Variants in PGR observed in about 807,000 individuals in gnomAD.
PGR encodes the protein nuclear receptor subfamily 3 group C member 3.
In PGR, 25 loss-of-function variants were observed where a neutral mutation model predicts 76.1. The observed-to-expected ratio is 0.33, with a 90% CI of 0.24 to 0.46. PGR has a LOEUF of 0.46. Ranked by LOEUF, PGR falls within the 20% of genes least tolerant of loss-of-function variation. The probability of loss-of-function intolerance (pLI) is 1.00; values close to 1 mark genes in which losing one functional copy is unlikely to be tolerated. For missense variants in PGR, 1,172 were observed against 1,225.3 expected (o/e 0.96, Z 0.65); for synonymous variants, 579 against 535.0 (o/e 1.08, Z -1.14).
rs117353365 is a variant in PGR, at chr11:101,043,416, C to T, written c.2489-1314G>A. Among the ~76,000 whole-genome samples, 558 of 152,300 alleles carry T rather than the reference C, an allele frequency of 3.7e-3. 1 individual carries two copies. Among genetic ancestry groups the T allele is most frequent in the Non-Finnish European group, 6.6e-3 (446 of 68,024 alleles). On this transcript the variant is annotated intron_variant, in intron 6 of 7. Coordinates refer to ENST00000325455, the MANE Select transcript of PGR (RefSeq NM_000926.4). ...TTTCACATATCTGTAGTTATTTCCTCCACTGAAGTTTTGAACACCCTCAAA... is the reference window on the plus strand; with the variant it reads ...TTTCACATATCTGTAGTTATTTCCTTCACTGAAGTTTTGAACACCCTCAAA...
chr11:101,086,983 T>G (rs998682452), intron 3 of PGR, among the ~76,000 whole-genome samples: 1 of 152,164 alleles, frequency 6.6e-6, no homozygotes, highest in South Asian at 2.1e-4. Flanking sequence ...ATTAGAAGAA[T>G]CAGTATTGTT....
chr11:101,094,597 A>G (rs567590721), intron 2 of PGR, among the ~76,000 whole-genome samples: 59 of 152,364 alleles, frequency 3.9e-4, no homozygotes, highest in South Asian at 1.7e-3. Context: ...CCTTCCAGTC[A>G]TATTTCTAGG....
intron 2 of PGR, among the ~76,000 whole-genome samples, chr11:101,095,911 A>G (rs1207538820): frequency 6.6e-6 from 1 of 152,202 alleles, no homozygotes; most frequent in East Asian, 1.9e-4. Context: ...TCAAACTTGC[A>G]TGAAATTGGG....
intron 3 of PGR, among the ~76,000 whole-genome samples, chr11:101,088,838 G>A (rs1861582383): frequency 6.6e-6 from 1 of 152,210 alleles, no homozygotes; most frequent in Non-Finnish European, 1.5e-5. Context: ...ATACACCATG[G>A]AATATTATGC....
intron 3 of PGR, among the ~76,000 whole-genome samples, chr11:101,069,184 A>T (rs1050012682): frequency 5.3e-5 from 8 of 151,908 alleles, no homozygotes; most frequent in Non-Finnish European, 1.2e-4. Context: ...AAAAAAAAAC[A>T]TCAAAAAGTG....
chr11:101,067,399 T>G (rs1860758531), intron 3 of PGR, among the ~76,000 whole-genome samples: 1 of 151,988 alleles, frequency 6.6e-6, no homozygotes, highest in Admixed American at 6.6e-5. Context: ...ATGACTGACC[T>G]CATTATTAAC....
chr11:101,031,491 G>T lies in PGR; in HGVS notation c.*7625C>A, dbSNP rs758842029. ...AAAAAACATGGATAGATTATTAAGC[G>T]CCAAGTTTTCTCTTCAACCTACTGC... On this transcript the variant is annotated 3_prime_UTR_variant, in exon 8 of 8. Coordinates refer to ENST00000325455, the MANE Select transcript of PGR (RefSeq NM_000926.4). The T allele has an allele frequency of 4.4e-6, 1 of 228,426 alleles. No individual in the cohort carries two copies. The highest frequency in any genetic ancestry group is 8.7e-6 in the Non-Finnish European group (1 of 115,148). The allele number at this position is 228,426 out of a possible 1,614,324, so 14.1% of individuals were successfully genotyped here. A position where few individuals can be genotyped will look rare whatever the true frequency, so the allele number is the denominator to read the frequency against.
chr11:101,121,933 G>A (rs181005472), intron 2 of PGR, among the ~76,000 whole-genome samples: 62 of 152,172 alleles, frequency 4.1e-4, no homozygotes, highest in East Asian at 1.9e-3. Context: ...TTGGGAGGCC[G>A]AGGCAGGCGG....
Position 101,128,890 on chromosome 11 carries a change from G to A in PGR, c.181C>T (p.Pro61Ser). 1 of 1,614,046 alleles carries A rather than the reference G, an allele frequency of 6.2e-7. No individual in the cohort carries two copies. The highest frequency in any genetic ancestry group is 1.1e-5 in the South Asian group (1 of 91,086). ...GGGTCCTGTCCCTGGCAGGGCCGAG[G>A]GAAGAGTAGCCCGTCCAGGGAGATA... ...IPISLDGLLF[P>S]RPCQGQDPSD... The change falls in exon 1 of 8, where the codon CCT (proline) becomes TCT (serine). Residue 61 changes from proline (P) to serine (S), a missense_variant. Coordinates refer to ENST00000325455, the MANE Select transcript of PGR (RefSeq NM_000926.4).
At chr11:101,081,934 A>G (rs1861322127) in intron 3 of PGR, among the ~76,000 whole-genome samples, 1 of 152,326 alleles carries the variant, frequency 6.6e-6, no homozygotes, top group Admixed American at 6.5e-5. Flanking sequence ...TAAATGGTCT[A>G]AATGCCTGAT....
intron 2 of PGR, among the ~76,000 whole-genome samples, chr11:101,106,894 A>T (rs1862179665): frequency 6.6e-6 from 1 of 152,194 alleles, no homozygotes; most frequent in Non-Finnish European, 1.5e-5. Context: ...CATAAAAAAG[A>T]ATGAGTTCAT....
At chr11:101,055,448 C>T in intron 4 of PGR, among the ~76,000 whole-genome samples, 1 of 134,260 alleles carries the variant, frequency 7.4e-6, no homozygotes, top group African/African-American at 2.7e-5. Flanking sequence ...AAAAAAGGCT[C>T]ATAGAAAGTT....
intron 3 of PGR, among the ~76,000 whole-genome samples, chr11:101,064,287 T>C (rs1257830346): frequency 4.2e-5 from 5 of 120,032 alleles, no homozygotes; most frequent in Non-Finnish European, 4.8e-5. Flanking sequence ...GTCAAGATCA[T>C]GCCATTGCAC....
Position 101,033,261 on chromosome 11 carries a change from T to C in PGR, c.*5855A>G, listed in dbSNP as rs1859406033. ...AGGGCTTACTAGTTTAGGCAAATTC[T>C]GGAAAGTATTTCTACCTTATGGAGA... On this transcript the variant is annotated 3_prime_UTR_variant, in exon 8 of 8. Coordinates refer to ENST00000325455, the MANE Select transcript of PGR (RefSeq NM_000926.4). 7 of 207,564 alleles carry C rather than the reference T, an allele frequency of 3.4e-5. No individual in the cohort carries two copies. The East Asian group carries it at 5.2e-4, about 15-fold the overall frequency. The allele number at this position is 207,564 out of a possible 1,614,324, so 12.9% of individuals were successfully genotyped here. A position where few individuals can be genotyped will look rare whatever the true frequency, so the allele number is the denominator to read the frequency against.
intron 2 of PGR, among the ~76,000 whole-genome samples, chr11:101,108,569 A>G (rs536814025): frequency 2.3e-4 from 35 of 152,224 alleles, no homozygotes; most frequent in Non-Finnish European, 3.5e-4. Context: ...TCAGTTGCTA[A>G]TATCATCTCG....
chr11:101,127,871 GGAGCGCGCGGAGGCCTCC>G lies in PGR; in HGVS notation c.1182_1199del (p.Glu395_Ser400del). On this transcript the variant is annotated inframe_deletion, in exon 1 of 8. Transcript: ENST00000325455. ...CACCGGCCACAAGGTAGGAACGCGG[GGAGCGCGCGGAGGCCTCC>G]GCGCCTTCCTCCTCCTCCTTTATCT... 2 of 1,601,516 alleles carry G rather than the reference GGAGCGCGCGGAGGCCTCC, an allele frequency of 1.2e-6. No homozygotes were observed. The highest frequency in any genetic ancestry group is 1.7e-6 in the Non-Finnish European group (2 of 1,177,704).
intron 2 of PGR, among the ~76,000 whole-genome samples, chr11:101,095,679 A>C (rs1861811122): frequency 6.6e-6 from 1 of 152,210 alleles, no homozygotes; most frequent in South Asian, 2.1e-4. Context: ...TGGCAATTAA[A>C]ATGAAGATAA....
At chr11:101,077,988 G>C (rs774844220) in intron 3 of PGR, among the ~76,000 whole-genome samples, 12 of 152,178 alleles carry the variant, frequency 7.9e-5, no homozygotes, top group Non-Finnish European at 2.9e-5. Flanking sequence ...GCACAGAGCA[G>C]GACTCTGTAC....
intron 3 of PGR, among the ~76,000 whole-genome samples, chr11:101,073,498 T>C (rs545281266): frequency 2.7e-5 from 4 of 150,694 alleles, no homozygotes; most frequent in Admixed American, 6.6e-5. Flanking sequence ...CCGAAGGAGA[T>C]AGAGACATGA....
Sources: gnomAD v4.1 joint callset for allele counts (sites outside exome capture counted in the v4.1 genomes callset) on GRCh38, gnomAD v4.1.1 for gene constraint, MANE v1.5 for transcripts, NCBI Gene and HGNC (gene_info 2026-07-23, HGNC 2026-07-21) for gene names.